The following CTNNA3 variants were observed in gnomAD, a reference collection of about 807,000 sequenced individuals.
CTNNA3 encodes the protein catenin alpha 3.
Under a neutral mutation model 95.7 loss-of-function variants are expected in CTNNA3, and 76 were observed. The ratio of observed to expected loss-of-function variants is 0.79; its 90% confidence interval spans 0.66 to 0.96. The LOEUF (loss-of-function observed/expected upper bound fraction) is 0.96. Ranked by LOEUF, CTNNA3 falls within the 40% of genes least tolerant of loss-of-function variation. The probability of loss-of-function intolerance (pLI) is 0.00; values close to 1 mark genes in which losing one functional copy is unlikely to be tolerated. For synonymous variants in CTNNA3, 431 were observed against 374.4 expected (o/e 1.15, Z -1.74); for missense variants, 1,191 against 1,089.8 (o/e 1.09, Z -1.31).
At chr10:66,799,968 C>A (rs887697220) in intron 7 of CTNNA3, among the ~76,000 whole-genome samples, 7 of 150,684 alleles carry the variant, frequency 4.6e-5, no homozygotes, top group African/African-American at 1.7e-4. Context: ...ATTCAATGGC[C>A]AGAGAAAATA....
At chr10:67,191,380 T>G (rs905016726) in intron 6 of CTNNA3, among the ~76,000 whole-genome samples, 2 of 152,034 alleles carry the variant, frequency 1.3e-5, no homozygotes, top group South Asian at 4.1e-4. Flanking sequence ...AAACCTATTA[T>G]AACTAGTAAA....
intron 1 of CTNNA3, among the ~76,000 whole-genome samples, chr10:67,701,239 G>C (rs554189192): frequency 1.3e-5 from 2 of 152,296 alleles, no homozygotes; most frequent in African/African-American, 4.8e-5. Context: ...AATCTAGCAA[G>C]GCAGGCCAAC....
rs745718658 is a variant in CTNNA3, at chr10:67,180,367, T to A, written c.997A>T (p.Asn333Tyr). 6.2e-7 allele frequency: 1 copy of A among 1,613,694 alleles called. No homozygotes were observed. Among genetic ancestry groups the A allele is most frequent in the South Asian group, 1.1e-5 (1 of 91,076 alleles). ...TCCTGAAGAGCCTGGCGAATGGCGT[T>A]GCATTCTGCGATAATCCGCTCTCGG... ...LHRERIIAEC[N>Y]AIRQALQDLL... Residue 333 changes from asparagine to tyrosine, a missense_variant, in exon 7 of 18, where the codon AAC (asparagine) becomes TAC (tyrosine). By Grantham distance (143) the Asn-to-Tyr change is moderately radical. Transcript: ENST00000433211.
At chr10:66,345,857 C>T (rs1005711759) in intron 12 of CTNNA3, among the ~76,000 whole-genome samples, 1 of 151,650 alleles carries the variant, frequency 6.6e-6, no homozygotes, top group Admixed American at 6.6e-5. Flanking sequence ...GGGTGGATCA[C>T]CTGAGGTCAG....
chr10:67,173,961 C>T (rs1236404097), intron 7 of CTNNA3, among the ~76,000 whole-genome samples: 1 of 152,168 alleles, frequency 6.6e-6, no homozygotes, highest in Non-Finnish European at 1.5e-5. Context: ...GGCTCTCAGG[C>T]TTTAAGCTCT....
At chr10:65,938,980 G>A (rs1242659041) in intron 17 of CTNNA3, among the ~76,000 whole-genome samples, 1 of 151,646 alleles carries the variant, frequency 6.6e-6, no homozygotes, top group East Asian at 2.0e-4. Flanking sequence ...TCGGCTCACT[G>A]CAAGCTCCGC....
At chr10:66,061,268 T>C (rs988516672) in intron 15 of CTNNA3, among the ~76,000 whole-genome samples, 1 of 152,162 alleles carries the variant, frequency 6.6e-6, no homozygotes, top group African/African-American at 2.4e-5. Context: ...TTGCTCCACA[T>C]CTTCAGTTTA....
chr10:67,351,445 C>A (rs1456322929), intron 5 of CTNNA3, among the ~76,000 whole-genome samples: 1 of 151,726 alleles, frequency 6.6e-6, no homozygotes, highest in Non-Finnish European at 1.5e-5. Context: ...ATGTTATAAA[C>A]CACGAAACAT....
chr10:67,684,348 G>A (rs968480780), intron 1 of CTNNA3, among the ~76,000 whole-genome samples: 1 of 152,100 alleles, frequency 6.6e-6, no homozygotes, highest in Non-Finnish European at 1.5e-5. Context: ...CACATCTTTA[G>A]CCAGACACAG....
chr10:67,698,241 A>G (rs190831352), upstream of CTNNA3, among the ~76,000 whole-genome samples: 23 of 125,560 alleles, frequency 1.8e-4, no homozygotes, highest in Admixed American at 1.6e-3. Flanking sequence ...AGAGCTGGGG[A>G]AAAAAAAAAG....
At chr10:65,932,400 G>C (rs1216478652) in intron 17 of CTNNA3, among the ~76,000 whole-genome samples, 1 of 152,154 alleles carries the variant, frequency 6.6e-6, no homozygotes, top group Admixed American at 6.6e-5. Context: ...CTCCCATTTT[G>C]TAAACTTGTG....
chr10:66,454,873 A>T (rs1056421512), intron 11 of CTNNA3, among the ~76,000 whole-genome samples: 1 of 151,778 alleles, frequency 6.6e-6, no homozygotes, highest in East Asian at 1.9e-4. Context: ...GAGGAGGAAG[A>T]GGATAAAAAA....
chr10:66,022,724 C>A (rs2079246802), intron 15 of CTNNA3, among the ~76,000 whole-genome samples: 1 of 152,176 alleles, frequency 6.6e-6, no homozygotes, highest in South Asian at 2.1e-4. Flanking sequence ...GCATATCCTC[C>A]CATACTAAAC....
At chr10:66,989,199 T>C (rs1162144833) in intron 7 of CTNNA3, among the ~76,000 whole-genome samples, 1 of 152,162 alleles carries the variant, frequency 6.6e-6, no homozygotes, top group Non-Finnish European at 1.5e-5. Flanking sequence ...TTATTCCTCT[T>C]CTTTCTCCAA....
At chr10:66,341,860 G>A (rs1381065049) in intron 12 of CTNNA3, among the ~76,000 whole-genome samples, 1 of 151,670 alleles carries the variant, frequency 6.6e-6, no homozygotes, top group Non-Finnish European at 1.5e-5. Flanking sequence ...CTCAGAAGGG[G>A]AACAATATAT....
At chr10:66,304,366 C>G (rs2091903986) in intron 12 of CTNNA3, among the ~76,000 whole-genome samples, 2 of 152,134 alleles carry the variant, frequency 1.3e-5, no homozygotes, top group South Asian at 4.1e-4. Flanking sequence ...AGCCACAGAA[C>G]CTATGGCCCT....
At chr10:66,089,051 C>T (rs1333635788) in intron 14 of CTNNA3, among the ~76,000 whole-genome samples, 2 of 151,892 alleles carry the variant, frequency 1.3e-5, no homozygotes, top group Non-Finnish European at 2.9e-5. Flanking sequence ...GTTTTGTTTG[C>T]TTGGGTTTAC....
intron 9 of CTNNA3, among the ~76,000 whole-genome samples, chr10:66,707,695 G>T (rs1180079488): frequency 6.6e-6 from 1 of 152,000 alleles, no homozygotes; most frequent in Non-Finnish European, 1.5e-5. Flanking sequence ...TTCTTGGGTG[G>T]AAATACATGG....
At chr10:67,350,367 G>A (rs1261447152) in intron 5 of CTNNA3, among the ~76,000 whole-genome samples, 3 of 151,940 alleles carry the variant, frequency 2.0e-5, no homozygotes, top group Admixed American at 6.6e-5. Flanking sequence ...AGTTGGAGGA[G>A]GGGAAACTTG....
Sources: gnomAD v4.1 joint callset for allele counts (sites outside exome capture counted in the v4.1 genomes callset) on GRCh38, gnomAD v4.1.1 for gene constraint, MANE v1.5 for transcripts, NCBI Gene and HGNC (gene_info 2026-07-23, HGNC 2026-07-21) for gene names.